CUX1: variants seen among roughly 807,000 people sequenced by gnomAD.
The protein encoded by CUX1 is cut like homeobox 1.
Under a neutral mutation model 158.8 loss-of-function variants are expected in CUX1, and 31 were observed. The observed-to-expected ratio is 0.20, with a 90% CI of 0.15 to 0.26. The LOEUF (loss-of-function observed/expected upper bound fraction) is 0.26, where lower values mean the gene tolerates loss of function less well. Among genes scored for constraint, CUX1 ranks in the 10% least tolerant of loss-of-function variants. CUX1 has a pLI of 1.00. For missense variants in CUX1, 1,589 were observed against 2,014.6 expected (o/e 0.79, Z 4.04); for synonymous variants, 879 against 862.1 (o/e 1.02, Z -0.34).
chr7:101,925,981 T>G (rs1805542294), intron 2 of CUX1, among the ~76,000 whole-genome samples: 1 of 151,954 alleles, frequency 6.6e-6, no homozygotes, highest in African/African-American at 2.4e-5. Flanking sequence ...TAAACTAAAT[T>G]AAAAAAGAAT....
At chr7:101,995,160 A>T (rs921425807) in intron 2 of CUX1, among the ~76,000 whole-genome samples, 3 of 152,080 alleles carry the variant, frequency 2.0e-5, no homozygotes, top group African/African-American at 7.2e-5. Context: ...GATTGTGGGG[A>T]ACTGCTGCTG....
intron 2 of CUX1, among the ~76,000 whole-genome samples, chr7:101,919,505 G>T (rs1804632840): frequency 6.6e-6 from 1 of 152,224 alleles, no homozygotes; most frequent in Non-Finnish European, 1.5e-5. Flanking sequence ...TCTTCCCTAT[G>T]GATGCAGCCC....
chr7:101,903,673 C>T (rs945723456), intron 1 of CUX1, among the ~76,000 whole-genome samples: 2 of 152,178 alleles, frequency 1.3e-5, no homozygotes, highest in African/African-American at 4.8e-5. Context: ...TGCCCCGGCA[C>T]CTGCTCCGCC....
intron 20 of CUX1, among the ~76,000 whole-genome samples, chr7:102,220,446 G>A (rs782140005): frequency 6.6e-6 from 1 of 152,218 alleles, no homozygotes. Context: ...AACCACCAGG[G>A]GGTGTGGTCT....
chr7:102,143,135 G>T (rs1834643848), intron 8 of CUX1, among the ~76,000 whole-genome samples: 1 of 152,110 alleles, frequency 6.6e-6, no homozygotes, highest in African/African-American at 2.4e-5. Context: ...TCAACAGCAG[G>T]AACTTGTGCC....
At chr7:101,992,410 T>C (rs972050523) in intron 2 of CUX1, among the ~76,000 whole-genome samples, 5 of 152,216 alleles carry the variant, frequency 3.3e-5, no homozygotes, top group Non-Finnish European at 7.3e-5. Context: ...GTTTCTTTTT[T>C]GATTGGGGAG....
At chr7:102,045,309 G>A (rs1048911468) in intron 3 of CUX1, among the ~76,000 whole-genome samples, 6 of 152,218 alleles carry the variant, frequency 3.9e-5, no homozygotes, top group African/African-American at 1.4e-4. Flanking sequence ...CAGATATGTT[G>A]AGGCTAAGTC....
At chr7:101,822,003 C>T (rs1303236604) in intron 1 of CUX1, among the ~76,000 whole-genome samples, 1 of 151,518 alleles carries the variant, frequency 6.6e-6, no homozygotes, top group African/African-American at 2.4e-5. Flanking sequence ...TACAGGCGCC[C>T]GCCACCACGC....
upstream of CUX1, chr7:101,816,836 G>A: frequency 1.2e-6 from 1 of 821,092 alleles, no homozygotes; most frequent in Non-Finnish European, 1.4e-6. Flanking sequence ...CGCTACCCCC[G>A]GCCGGCCCCG....
At chr7:101,967,194 T>C (rs1811330862) in intron 2 of CUX1, among the ~76,000 whole-genome samples, 1 of 152,046 alleles carries the variant, frequency 6.6e-6, no homozygotes, top group Non-Finnish European at 1.5e-5. Flanking sequence ...TTTGTATTTT[T>C]AGTAGAGATG....
upstream of CUX1, chr7:101,817,618 G>T: frequency 6.5e-7 from 1 of 1,547,980 alleles, no homozygotes; most frequent in Non-Finnish European, 8.7e-7. This position sits in a 1 kb window ranked among gnomAD's most constrained non-coding sequence, Gnocchi z 4.1. Flanking sequence ...CGCCGGGACA[G>T]CCCCGGGACT....
chr7:102,247,874 T>G (rs1554537482), intron 23 of CUX1, among the ~76,000 whole-genome samples: 1 of 152,170 alleles, frequency 6.6e-6, no homozygotes, highest in African/African-American at 2.4e-5. Flanking sequence ...CTCACACCTG[T>G]AATCCCAGCA....
intron 5 of CUX1, 36 bp from the exon 6 acceptor site, chr7:102,104,300 T>A (rs1362307185): frequency 6.4e-7 from 1 of 1,566,976 alleles, no homozygotes; most frequent in Admixed American, 1.9e-5. Context: ...ATTGTATGCT[T>A]CTCTTACTGT....
chr7:101,991,713 C>T (rs1365521811), intron 2 of CUX1, among the ~76,000 whole-genome samples: 2 of 149,746 alleles, frequency 1.3e-5, no homozygotes, highest in Non-Finnish European at 3.0e-5. Flanking sequence ...GAGCTGAGAT[C>T]GCGCCACTGC....
rs782073275 is a variant in CUX1, at chr7:102,250,587, A to G, written c.*1545A>G. The G allele has an allele frequency of 4.8e-5, 47 of 985,160 alleles. No homozygotes were observed. The highest frequency in any genetic ancestry group is 6.2e-5 in the Admixed American group (1 of 16,258). 61.0% of individuals were successfully genotyped at this position (985,160 alleles called of 1,614,324 possible). ...GCTCCCCACTCCCATCCCTGTAGAA[A>G]TGGCCCAAACTCACACCAAAACGTG... On this transcript the variant is annotated 3_prime_UTR_variant, in exon 24 of 24. Coordinates refer to ENST00000292535, the MANE Select transcript of CUX1 (RefSeq NM_181552.4).
At chr7:101,831,429 T>G (rs10232848) in intron 1 of CUX1, among the ~76,000 whole-genome samples, 2,158 of 152,186 alleles carry the variant, frequency 0.014, 43 homozygotes, top group African/African-American at 0.049. Flanking sequence ...TGGTTGGGAT[T>G]ACAGGTGTGC....
intron 2 of CUX1, among the ~76,000 whole-genome samples, chr7:101,922,354 G>A (rs939979730): frequency 1.3e-5 from 2 of 152,216 alleles, no homozygotes; most frequent in Admixed American, 1.3e-4. Context: ...TCTTATGTCA[G>A]TGGTGATAAA....
intron 1 of CUX1, among the ~76,000 whole-genome samples, chr7:101,865,600 G>C (rs1025452210): frequency 1.3e-5 from 2 of 152,198 alleles, no homozygotes; most frequent in African/African-American, 4.8e-5. Context: ...TGTACTTTTG[G>C]GGGCAGCCAG....
At chr7:102,070,646 G>C (rs1826023421) in intron 4 of CUX1, among the ~76,000 whole-genome samples, 1 of 152,188 alleles carries the variant, frequency 6.6e-6, no homozygotes, top group African/African-American at 2.4e-5. Context: ...ATCTCTAGGG[G>C]ATGACTTCGT....
Sources: allele counts gnomAD v4.1 joint callset (sites outside exome capture counted in the v4.1 genomes callset), GRCh38; gene constraint gnomAD v4.1.1; non-coding constraint Gnocchi (gnomAD v3.1); transcripts MANE v1.5; gene names NCBI Gene and HGNC (gene_info 2026-07-23, HGNC 2026-07-21).